Variants in KCNQ1 observed in about 807,000 individuals in gnomAD.
KCNQ1 encodes potassium voltage-gated channel subfamily Q member 1.
A neutral mutation model predicts 72.4 loss-of-function variants in KCNQ1; 49 were observed. That is an observed-to-expected ratio of 0.68 (90% CI 0.54 to 0.86). The LOEUF (loss-of-function observed/expected upper bound fraction) is 0.86, where lower values mean the gene tolerates loss of function less well. Ranked by LOEUF, KCNQ1 falls within the 40% of genes least tolerant of loss-of-function variation. KCNQ1 has a pLI of 0.00. For synonymous variants in KCNQ1, 450 were observed against 412.6 expected, an observed-to-expected ratio of 1.09 and a Z score of -1.10; for missense variants, 790 against 945.1, an observed-to-expected ratio of 0.84 and a Z score of 2.15.
At position 2,451,501 on chromosome 11, in the gene KCNQ1, C is replaced by A. The variant is rs1362922716; in HGVS notation, c.386+6017C>A. Among the ~76,000 whole-genome samples the A allele has an allele frequency of 6.6e-6, 1 of 152,166 alleles. No homozygotes were observed. The highest frequency in any genetic ancestry group is 1.5e-5 in the Non-Finnish European group (1 of 68,022). On this transcript the variant is annotated intron_variant, in intron 1 of 15. Coordinates refer to ENST00000155840, the MANE Select transcript of KCNQ1 (RefSeq NM_000218.3). This position sits in a 1 kb window ranked among gnomAD's most constrained non-coding sequence, Gnocchi z 6.4. ...GGCCATGGGATCGGCACTGTCATTGCCCTTGGAGGGTTCTGAGCACTGGAA... is the reference window on the plus strand; with the variant it reads ...GGCCATGGGATCGGCACTGTCATTGACCTTGGAGGGTTCTGAGCACTGGAA...
At chr11:2,751,923 G>T (rs916002620) in intron 11 of KCNQ1, among the ~76,000 whole-genome samples, 1 of 152,132 alleles carries the variant, frequency 6.6e-6, no homozygotes, top group Non-Finnish European at 1.5e-5. Flanking sequence ...TGAGCCCCTC[G>T]TGGATGCCCA....
intron 10 of KCNQ1, chr11:2,637,559 T>C (rs564922812): frequency 2.6e-5 from 4 of 152,380 alleles, no homozygotes; most frequent in Non-Finnish European, 4.4e-5. Flanking sequence ...CAGTTTGTTA[T>C]AGTTTCTGTT....
intron 10 of KCNQ1, chr11:2,644,337 T>C (rs1292649369): frequency 4.3e-5 from 17 of 398,318 alleles, no homozygotes; most frequent in Non-Finnish European, 6.6e-5. Flanking sequence ...TGTGAAATTC[T>C]TTCTTCTGCT....
chr11:2,620,224 A>G lies in KCNQ1; in HGVS notation c.1393+31370A>G, dbSNP rs377197052. On this transcript the variant is annotated intron_variant, in intron 10 of 15. Transcript: ENST00000155840. The surrounding 1 kb of genome is among the most constrained non-coding windows in gnomAD (Gnocchi z 4.5). ...GTATATATATATATTTTTTTTTTTT[A>G]TTTTTTTTTTAGACGGAGTTTCGCT... The G allele has an allele frequency of 4.5e-6, 1 of 222,962 alleles. No homozygotes were observed. The highest frequency in any genetic ancestry group is 8.1e-6 in the Non-Finnish European group (1 of 123,906). The allele number at this position is 222,962 out of a possible 1,614,324, so 13.8% of individuals were successfully genotyped here. A position where few individuals can be genotyped will look rare whatever the true frequency, so the allele number is the denominator to read the frequency against.
intron 11 of KCNQ1, chr11:2,699,521 T>G (rs1176288243): frequency 7.1e-5 from 12 of 169,674 alleles, no homozygotes; most frequent in Non-Finnish European, 9.6e-5. Context: ...CCCAGGAGAG[T>G]GCCGCGCTGA....
In KCNQ1 at chr11:2,562,216, G is replaced by A. The variant is rs1385912286; in HGVS notation, c.478-8412G>A. Among the ~76,000 whole-genome samples, 2 of 151,832 alleles carry A rather than the reference G, an allele frequency of 1.3e-5. No homozygotes were observed. The highest frequency in any genetic ancestry group is 1.9e-4 in the East Asian group (1 of 5,138). On this transcript the variant is annotated intron_variant, in intron 2 of 15. Transcript: ENST00000155840. This position sits in a 1 kb window ranked among gnomAD's most constrained non-coding sequence, Gnocchi z 7.5. ...TGGGGACTGGTACTCCCCGGGGGGT[G>A]GGGGTGAGGGCGGGGGTGAGTGTGG...
At position 2,552,806 on chromosome 11, in the gene KCNQ1, G is replaced by A. The variant is rs1482948229; in HGVS notation, c.478-17822G>A. On this transcript the variant is annotated intron_variant, in intron 2 of 15. Transcript: ENST00000155840. ...ACGTCTTAGTAATACCGAGTTTTCC[G>A]ATCCACGAACACTGTCTCGCTCCCC... Among the ~76,000 whole-genome samples, 5 of 151,668 alleles carry A rather than the reference G, an allele frequency of 3.3e-5. No homozygotes were observed. In the East Asian group the frequency reaches 5.8e-4, roughly 18 times the overall value.
At chr11:2,570,940 G>T (rs1848324532) in intron 3 of KCNQ1, among the ~76,000 whole-genome samples, 186 bp downstream of exon 3, 1 of 152,214 alleles carries the variant, frequency 6.6e-6, no homozygotes, top group African/African-American at 2.4e-5. Context: ...CTCAGACGCT[G>T]ATCATGGTGT....
rs1452663669 is a variant in KCNQ1 at position 2,817,489 on chromosome 11, C to A, written c.1795-30278C>A. On this transcript the variant is annotated intron_variant, in intron 15 of 15. Coordinates refer to ENST00000155840, the MANE Select transcript of KCNQ1 (RefSeq NM_000218.3). This position sits in a 1 kb window ranked among gnomAD's most constrained non-coding sequence, Gnocchi z 6.1. Reference sequence around the variant, plus strand: ...GCAGTCAGGGAAGGACCTGCTGGGGCATTTCAGATCCTGAGCAGCATGTAC... The same window carrying A: ...GCAGTCAGGGAAGGACCTGCTGGGGAATTTCAGATCCTGAGCAGCATGTAC... 6.6e-6 allele frequency among the ~76,000 whole-genome samples: 1 copy of A among 152,142 alleles called. No individual in the cohort carries two copies. Among genetic ancestry groups the A allele is most frequent in the African/African-American group, 2.4e-5 (1 of 41,420 alleles).
At chr11:2,788,561 C>G (rs1050783366) in intron 15 of KCNQ1, among the ~76,000 whole-genome samples, 2 of 151,172 alleles carry the variant, frequency 1.3e-5, no homozygotes, top group Non-Finnish European at 3.0e-5. Flanking sequence ...CCCCGCCCCC[C>G]ACACCCAACC....
chr11:2,841,022 C>CCTGGCCT (rs1260435340), intron 15 of KCNQ1, among the ~76,000 whole-genome samples: 1 of 152,248 alleles, frequency 6.6e-6, no homozygotes. Flanking sequence ...ACGGTGACTG[C>CCTGGCCT]CTGGCCTAGA....
chr11:2,698,476 G>T lies in KCNQ1; in HGVS notation c.1514+36395G>T, dbSNP rs1850715282. The T allele has an allele frequency of 2.5e-6, 1 of 398,428 alleles. No individual in the cohort carries two copies. Among genetic ancestry groups the T allele is most frequent in the South Asian group, 1.3e-4 (1 of 7,824 alleles). 24.7% of individuals were successfully genotyped at this position (398,428 alleles called of 1,614,324 possible). A position where few individuals can be genotyped will look rare whatever the true frequency, so the allele number is the denominator to read the frequency against. On this transcript the variant is annotated intron_variant, in intron 11 of 15. Transcript: ENST00000155840. This position sits in a 1 kb window ranked among gnomAD's most constrained non-coding sequence, Gnocchi z 5.1. ...TCTGATCAACTCTCATCTCCAATAT[G>T]ACCAAGAGACTTCTACCACTACCTC...
chr11:2,661,063 G>C lies in KCNQ1; in HGVS notation c.1394-898G>C, dbSNP rs755162125. ...CTTATGTTACAGAGTGACAGGAACA[G>C]AGTCACAGTGACATCCCATGTGCAT... On this transcript the variant is annotated intron_variant, in intron 10 of 15. Transcript: ENST00000155840. The surrounding 1 kb of genome is among the most constrained non-coding windows in gnomAD (Gnocchi z 5.9). The C allele has an allele frequency of 5.5e-5, 22 of 398,332 alleles. No individual in the cohort carries two copies. Among genetic ancestry groups the C allele is most frequent in the Non-Finnish European group, 8.4e-5 (19 of 226,062 alleles). 24.7% of individuals were successfully genotyped at this position (398,332 alleles called of 1,614,324 possible).
At chr11:2,805,372 C>T (rs1227280756) in intron 15 of KCNQ1, among the ~76,000 whole-genome samples, 3 of 152,166 alleles carry the variant, frequency 2.0e-5, no homozygotes, top group East Asian at 1.9e-4. Flanking sequence ...CGACATTTTG[C>T]AAGTGAAAAC....
At chr11:2,634,405 A>G (rs1302013429) in intron 10 of KCNQ1, 1 of 196,060 alleles carries the variant, frequency 5.1e-6, no homozygotes, top group East Asian at 9.8e-5. Context: ...TTCAGTTCCC[A>G]CCTACGAGTG....
intron 10 of KCNQ1, chr11:2,643,418 CT>C (rs1298880928): frequency 2.5e-6 from 1 of 398,222 alleles, no homozygotes; most frequent in African/African-American, 2.1e-5. Flanking sequence ...ATGACTTCGT[CT>C]CTTTTTAGTG....
At chr11:2,466,527 C>T (rs896618972) in intron 1 of KCNQ1, among the ~76,000 whole-genome samples, 4 of 152,114 alleles carry the variant, frequency 2.6e-5, no homozygotes, top group African/African-American at 4.8e-5. Flanking sequence ...GCTGGCCTGT[C>T]GTGGAGTGGG....
intron 12 of KCNQ1, 43 bp from the exon 13 acceptor site, chr11:2,775,917 G>T: frequency 6.5e-7 from 1 of 1,536,412 alleles, no homozygotes; most frequent in South Asian, 1.2e-5. Context: ...CACATGGCTG[G>T]GGCACAGGGA....
intron 15 of KCNQ1, among the ~76,000 whole-genome samples, chr11:2,791,937 C>T (rs879626749): frequency 1.2e-4 from 18 of 152,222 alleles, no homozygotes; most frequent in Admixed American, 9.2e-4. Flanking sequence ...TACTTTGCCG[C>T]GCGAACAGCC....
Sources: allele counts gnomAD v4.1 joint callset (sites outside exome capture counted in the v4.1 genomes callset), GRCh38; gene constraint gnomAD v4.1.1; non-coding constraint Gnocchi (gnomAD v3.1); transcripts MANE v1.5; gene names NCBI Gene and HGNC (gene_info 2026-07-23, HGNC 2026-07-21).